SGCZ: variants seen among roughly 807,000 people sequenced by gnomAD.
SGCZ encodes the protein sarcoglycan zeta, also known as zeta-sarcoglycan.
Under a neutral mutation model 41.3 loss-of-function variants are expected in SGCZ, and 40 were observed. That is an observed-to-expected ratio of 0.97 (90% CI 0.75 to 1.26). The LOEUF (loss-of-function observed/expected upper bound fraction) is 1.26. Among genes scored for constraint, SGCZ ranks in the 50% most tolerant of loss-of-function variants. The probability of loss-of-function intolerance (pLI) is 0.00; values close to 1 mark genes in which losing one functional copy is unlikely to be tolerated. For missense variants in SGCZ, 552 were observed against 369.8 expected (o/e 1.49, Z -4.04); for synonymous variants, 206 against 137.5 (o/e 1.50, Z -3.49).
At chr8:14,562,329 A>G (rs1804230619) in intron 1 of SGCZ, among the ~76,000 whole-genome samples, 1 of 152,178 alleles carries the variant, frequency 6.6e-6, no homozygotes, top group South Asian at 2.1e-4. Flanking sequence ...TGGAAGGTAG[A>G]GGTCAAGATT....
At chr8:14,694,275 T>G (rs1229625275) in intron 1 of SGCZ, among the ~76,000 whole-genome samples, 1 of 152,212 alleles carries the variant, frequency 6.6e-6, no homozygotes, top group African/African-American at 2.4e-5. Flanking sequence ...AACAGTATAA[T>G]TTTTCTTTTG....
intron 1 of SGCZ, among the ~76,000 whole-genome samples, chr8:15,112,075 T>C (rs1340955028): frequency 2.0e-5 from 3 of 152,142 alleles, no homozygotes; most frequent in Non-Finnish European, 4.4e-5. Flanking sequence ...TCTCTTTTTC[T>C]CTCTTTTGTG....
intron 3 of SGCZ, among the ~76,000 whole-genome samples, chr8:14,281,847 G>C (rs1052689468): frequency 2.5e-5 from 3 of 121,928 alleles, no homozygotes; most frequent in Non-Finnish European, 5.2e-5. Flanking sequence ...CATAAATTAA[G>C]TTTGTCAGAA....
At chr8:14,326,998 A>AT (rs1351586286) in intron 2 of SGCZ, among the ~76,000 whole-genome samples, 3 of 152,194 alleles carry the variant, frequency 2.0e-5, no homozygotes, top group African/African-American at 7.2e-5. Flanking sequence ...TGGCAAAAAA[A>AT]AATAGATGTT....
chr8:14,698,460 G>T (rs1809034248), intron 1 of SGCZ, among the ~76,000 whole-genome samples: 1 of 151,760 alleles, frequency 6.6e-6, no homozygotes, highest in Non-Finnish European at 1.5e-5. Context: ...TTTATAAATT[G>T]TATTAAAGAT....
intron 2 of SGCZ, among the ~76,000 whole-genome samples, chr8:14,432,729 C>A (rs930516553): frequency 4.2e-4 from 64 of 151,952 alleles, no homozygotes; most frequent in Admixed American, 4.6e-4. Context: ...GCCTGGCCAA[C>A]GTGGTGAAAC....
rs145789686 is a variant in SGCZ, at chr8:14,379,649, A to G, written c.235-55445T>C. 7.3e-3 allele frequency among the ~76,000 whole-genome samples: 1,117 copies of G among 152,304 alleles called. 19 individuals are homozygous for G. The highest frequency in any genetic ancestry group is 0.025 in the African/African-American group (1,058 of 41,562). On this transcript the variant is annotated intron_variant, in intron 2 of 7. Transcript: ENST00000382080. ...AGTTTATATAAATAAGCATGTAATA[A>G]TAGGCAAACACTATTATAGATTTAA... is the stretch of plus-strand genomic sequence containing the variant.
intron 1 of SGCZ, among the ~76,000 whole-genome samples, chr8:14,907,503 GA>G (rs1334553701): frequency 6.6e-6 from 1 of 152,034 alleles, no homozygotes; most frequent in Non-Finnish European, 1.5e-5. Flanking sequence ...TAACTATTAA[GA>G]AGTGCCGCTT....
At chr8:14,412,225 A>T (rs1311855989) in intron 2 of SGCZ, among the ~76,000 whole-genome samples, 1 of 152,084 alleles carries the variant, frequency 6.6e-6, no homozygotes, top group East Asian at 1.9e-4. Flanking sequence ...TGATATTGAG[A>T]AAAGAAGCCT....
chr8:15,201,452 G>A (rs1800886893), intron 1 of SGCZ, among the ~76,000 whole-genome samples: 1 of 152,180 alleles, frequency 6.6e-6, no homozygotes, highest in Non-Finnish European at 1.5e-5. Flanking sequence ...AAGTGTTTAT[G>A]TCCTTTCACT....
intron 2 of SGCZ, among the ~76,000 whole-genome samples, chr8:14,373,534 T>A (rs1803988535): frequency 6.6e-6 from 1 of 152,056 alleles, no homozygotes; most frequent in Non-Finnish European, 1.5e-5. Context: ...TTAGGTTCAA[T>A]CAGGTAGAAC....
At chr8:14,899,792 T>C (rs934733073) in intron 1 of SGCZ, among the ~76,000 whole-genome samples, 4 of 149,178 alleles carry the variant, frequency 2.7e-5, no homozygotes, top group Non-Finnish European at 5.9e-5. Context: ...GAGGGAGGAA[T>C]ACAGGAAGGG....
intron 1 of SGCZ, among the ~76,000 whole-genome samples, chr8:15,095,861 C>G (rs1806328091): frequency 6.6e-6 from 1 of 152,102 alleles, no homozygotes; most frequent in Non-Finnish European, 1.5e-5. Context: ...AAAACTCAGC[C>G]AAAAGTTCCA....
chr8:14,621,139 G>A (rs1394121312), intron 1 of SGCZ, among the ~76,000 whole-genome samples: 2 of 151,870 alleles, frequency 1.3e-5, no homozygotes, highest in East Asian at 3.9e-4. Flanking sequence ...TCCTTTGTAG[G>A]GACATGGATG....
intron 5 of SGCZ, among the ~76,000 whole-genome samples, chr8:14,123,995 A>G (rs182582759): frequency 3.8e-4 from 58 of 152,274 alleles, no homozygotes; most frequent in Admixed American, 1.4e-3. Flanking sequence ...GGAAGGGCCA[A>G]GAGCTAGAGT....
At chr8:15,215,862 A>T (rs1236337471) in intron 1 of SGCZ, among the ~76,000 whole-genome samples, 1 of 152,188 alleles carries the variant, frequency 6.6e-6, no homozygotes, top group Non-Finnish European at 1.5e-5. Flanking sequence ...GCAAACAAAG[A>T]TATAATGTGA....
chr8:14,990,335 G>A (rs552105704), intron 1 of SGCZ, among the ~76,000 whole-genome samples: 2 of 152,218 alleles, frequency 1.3e-5, no homozygotes, highest in South Asian at 4.2e-4. Context: ...TAATCCCCAG[G>A]TACCAGATCC....
chr8:15,058,184 G>T (rs1804785230), intron 1 of SGCZ, among the ~76,000 whole-genome samples: 1 of 152,110 alleles, frequency 6.6e-6, no homozygotes, highest in Non-Finnish European at 1.5e-5. Flanking sequence ...TATAACAGCA[G>T]TATGTCTCAA....
intron 4 of SGCZ, among the ~76,000 whole-genome samples, chr8:14,222,486 G>A (rs532433511): frequency 4.6e-4 from 70 of 151,960 alleles, no homozygotes; most frequent in African/African-American, 1.6e-3. Context: ...TTTGTTTTAG[G>A]GGGTGTTGAC....
Sources: gnomAD v4.1 joint callset for allele counts (sites outside exome capture counted in the v4.1 genomes callset) on GRCh38, gnomAD v4.1.1 for gene constraint, MANE v1.5 for transcripts, NCBI Gene and HGNC (gene_info 2026-07-23, HGNC 2026-07-21) for gene names.